LAMA2: variants seen among roughly 807,000 people sequenced by gnomAD.
The protein encoded by LAMA2 is laminin subunit alpha-2.
A neutral mutation model predicts 364.8 loss-of-function variants in LAMA2; 269 were observed. The observed-to-expected ratio is 0.74, with a 90% CI of 0.67 to 0.82. The LOEUF is 0.82. Ranked by LOEUF, LAMA2 falls within the 40% of genes least tolerant of loss-of-function variation. LAMA2 has a pLI of 0.00. For missense variants in LAMA2, 3,807 were observed against 3,873.2 expected, an observed-to-expected ratio of 0.98 and a Z score of 0.45; for synonymous variants, 1,379 against 1,370.6, an observed-to-expected ratio of 1.01 and a Z score of -0.14.
chr6:129,280,014 T>G (rs950375675), intron 17 of LAMA2, 47 bp from the exon 18 acceptor site: 4 of 1,206,426 alleles, frequency 3.3e-6, no homozygotes, highest in Non-Finnish European at 4.9e-6. Context: ...TGACTTTGTG[T>G]ATGTCCTTCT....
intron 29 of LAMA2, 25 bp downstream of exon 29, chr6:129,328,437 C>T: frequency 6.2e-7 from 1 of 1,614,062 alleles, no homozygotes. Context: ...CTTCCTTGAA[C>T]AAGGTCCATG....
intron 12 of LAMA2, among the ~76,000 whole-genome samples, chr6:129,218,432 G>A (rs1783566000): frequency 1.3e-5 from 2 of 152,118 alleles, no homozygotes; most frequent in African/African-American, 4.8e-5. Context: ...AAATTATAAA[G>A]CTGTTCCTGA....
intron 1 of LAMA2, among the ~76,000 whole-genome samples, chr6:128,964,475 T>C (rs1197034331): frequency 1.3e-5 from 2 of 152,072 alleles, no homozygotes; most frequent in Non-Finnish European, 2.9e-5. Context: ...AGAGCTCAGC[T>C]GTCATAATAT....
chr6:129,421,770 G>A (rs959501283), intron 40 of LAMA2, among the ~76,000 whole-genome samples: 1 of 152,004 alleles, frequency 6.6e-6, no homozygotes, highest in Non-Finnish European at 1.5e-5. Context: ...ATATTTTAGA[G>A]AGCTTCTTGA....
intron 2 of LAMA2, among the ~76,000 whole-genome samples, chr6:129,051,955 G>C (rs117321165): frequency 1.1e-4 from 17 of 150,176 alleles, no homozygotes; most frequent in Non-Finnish European, 2.1e-4. Flanking sequence ...GAGAATTAGA[G>C]AGATAAAATA....
intron 13 of LAMA2, 123 bp downstream of exon 13, chr6:129,250,336 T>C: frequency 2.9e-6 from 2 of 693,102 alleles, no homozygotes; most frequent in Non-Finnish European, 5.2e-6. Context: ...AAAATATACC[T>C]TAGGAGATTT....
At chr6:129,049,429 T>C (rs1308715004) in intron 1 of LAMA2, among the ~76,000 whole-genome samples, 1 of 152,128 alleles carries the variant, frequency 6.6e-6, no homozygotes, top group Non-Finnish European at 1.5e-5. Flanking sequence ...TCTTCTCTAG[T>C]CTGGGATAAA....
intron 23 of LAMA2, among the ~76,000 whole-genome samples, chr6:129,313,889 A>G (rs978942038): frequency 6.6e-6 from 1 of 152,220 alleles, no homozygotes; most frequent in Non-Finnish European, 1.5e-5. Flanking sequence ...CTGCATTCTT[A>G]TATCTCGCAA....
intron 1 of LAMA2, among the ~76,000 whole-genome samples, chr6:128,979,204 A>G (rs1782713199): frequency 6.6e-6 from 1 of 152,192 alleles, no homozygotes; most frequent in South Asian, 2.1e-4. Context: ...TGTATGTGTG[A>G]GTAGATGTTT....
At position 128,919,855 on chromosome 6, in the gene LAMA2, G is replaced by C. The variant is rs145910867; in HGVS notation, c.112+36498G>C. On this transcript the variant is annotated intron_variant, in intron 1 of 64. Coordinates refer to ENST00000421865, the MANE Select transcript of LAMA2 (RefSeq NM_000426.4). The stretch of plus-strand genomic sequence containing the variant: ...CTGACAGCCCTGGTTTACAACTGCT[G>C]CCCCAGCCTAATTAATAGTGGTGTT... Among the ~76,000 whole-genome samples the C allele has an allele frequency of 2.0e-3, 298 of 152,266 alleles. 1 individual carries two copies. The highest frequency in any genetic ancestry group is 3.5e-3 in the Non-Finnish European group (241 of 68,018).
intron 62 of LAMA2, among the ~76,000 whole-genome samples, chr6:129,508,460 C>G (rs1786291221): frequency 6.6e-6 from 1 of 151,000 alleles, no homozygotes; most frequent in Non-Finnish European, 1.5e-5. Context: ...CTAGCAAATA[C>G]TAAATCTTAT....
chr6:129,268,376 C>T (rs1583380009), intron 16 of LAMA2, among the ~76,000 whole-genome samples: 1 of 151,886 alleles, frequency 6.6e-6, no homozygotes, highest in Admixed American at 6.6e-5. Context: ...AAACACTTCA[C>T]TAACATGCAG....
At chr6:128,988,900 G>A (rs1783435256) in intron 1 of LAMA2, among the ~76,000 whole-genome samples, 1 of 152,036 alleles carries the variant, frequency 6.6e-6, no homozygotes. Flanking sequence ...AAAGTTAAAT[G>A]GAAAAACAGG....
chr6:129,390,832 G>T (rs1779276460), intron 35 of LAMA2, among the ~76,000 whole-genome samples: 1 of 152,164 alleles, frequency 6.6e-6, no homozygotes, highest in Admixed American at 6.6e-5. Flanking sequence ...AGCACCTGGA[G>T]AATCCTACGA....
chr6:129,146,396 T>G (rs905004939), intron 5 of LAMA2, among the ~76,000 whole-genome samples: 1 of 151,994 alleles, frequency 6.6e-6, no homozygotes, highest in African/African-American at 2.4e-5. Context: ...ATGGACTATA[T>G]TACATAGTAA....
intron 1 of LAMA2, among the ~76,000 whole-genome samples, chr6:128,954,333 G>A (rs1041373577): frequency 2.0e-5 from 3 of 151,968 alleles, no homozygotes; most frequent in Non-Finnish European, 4.4e-5. Flanking sequence ...AGTCCCACTA[G>A]CACACCATTA....
chr6:129,305,695 C>T (rs572660496), intron 22 of LAMA2, among the ~76,000 whole-genome samples: 12 of 151,920 alleles, frequency 7.9e-5, no homozygotes, highest in African/African-American at 1.9e-4. Flanking sequence ...TATTTTTCAA[C>T]GAATCTTAAT....
intron 37 of LAMA2, among the ~76,000 whole-genome samples, chr6:129,400,429 C>A (rs1001142804): frequency 6.6e-6 from 1 of 152,002 alleles, no homozygotes; most frequent in African/African-American, 2.4e-5. Context: ...ATATTGAGAT[C>A]TAAATGAATT....
rs145654250 is a variant in LAMA2 at position 129,159,814 on chromosome 6, G to C, written c.1206+5131G>C. ...TTGCAGAGAGTTTTTATAACAAAAT[G>C]GTTTTGCATTTTGTCATATGCTTTT... On this transcript the variant is annotated intron_variant, in intron 8 of 64. Transcript: ENST00000421865. Among the ~76,000 whole-genome samples the C allele has an allele frequency of 5.9e-5, 9 of 152,182 alleles. No individual in the cohort carries two copies. The East Asian group carries it at 1.5e-3, about 26-fold the overall frequency.
Sources: allele counts gnomAD v4.1 joint callset (sites outside exome capture counted in the v4.1 genomes callset), GRCh38; gene constraint gnomAD v4.1.1; transcripts MANE v1.5; gene names NCBI Gene and HGNC (gene_info 2026-07-23, HGNC 2026-07-21).